SOCS2: variants seen among roughly 807,000 people sequenced by gnomAD.
SOCS2 encodes the protein CIS-2.
Under a neutral mutation model 18.6 loss-of-function variants are expected in SOCS2, and 10 were observed. The ratio of observed to expected loss-of-function variants is 0.54; its 90% confidence interval spans 0.33 to 0.91. The LOEUF (loss-of-function observed/expected upper bound fraction) is 0.91, where lower values mean the gene tolerates loss of function less well. Among genes scored for constraint, SOCS2 ranks in the 40% least tolerant of loss-of-function variants. The probability of loss-of-function intolerance (pLI) is 0.02; values close to 1 mark genes in which losing one functional copy is unlikely to be tolerated. For synonymous variants in SOCS2, 104 were observed against 104.0 expected (o/e 1.00, Z 0.00); for missense variants, 231 against 247.2 (o/e 0.93, Z 0.44).
chr12:93,575,243 A>C lies in SOCS2; in HGVS notation c.*64A>C. On this transcript the variant is annotated 3_prime_UTR_variant, in exon 2 of 2. Transcript: ENST00000551556. Reference sequence around the variant, plus strand: ...CTCCGAATGCAGCTATGTAAAAGAGAACCAAAACTTGAGTGCTCTGGATAA... The same window carrying C: ...CTCCGAATGCAGCTATGTAAAAGAGCACCAAAACTTGAGTGCTCTGGATAA... 1 of 1,204,554 alleles carries C rather than the reference A, an allele frequency of 8.3e-7. No individual in the cohort carries two copies. Among genetic ancestry groups the C allele is most frequent in the Non-Finnish European group, 1.1e-6 (1 of 877,404 alleles). The allele number at this position is 1,204,554 out of a possible 1,614,324, so 74.6% of individuals were successfully genotyped here.
chr12:93,618,441 C>T, the SOCS2 span, among the ~76,000 whole-genome samples: 1 of 152,114 alleles, frequency 6.6e-6, no homozygotes, highest in Non-Finnish European at 1.5e-5. Flanking sequence ...TCTTAAAGTC[C>T]AAATCCTTCT....
At chr12:93,625,745 C>CAAA in the SOCS2 span, among the ~76,000 whole-genome samples, 4 of 62,424 alleles carry the variant, frequency 6.4e-5, no homozygotes, top group Non-Finnish European at 4.1e-5. Flanking sequence ...GAGACCATCT[C>CAAA]AAAAAAAAAA....
chr12:93,577,411 A>G (rs1954481412), downstream of SOCS2, among the ~76,000 whole-genome samples: 1 of 152,122 alleles, frequency 6.6e-6, no homozygotes, highest in Non-Finnish European at 1.5e-5. Flanking sequence ...CAGCACTTGT[A>G]TTATCTCATT....
At chr12:93,618,831 C>G in the SOCS2 span, among the ~76,000 whole-genome samples, 3,401 of 152,282 alleles carry the variant, frequency 0.022, 68 homozygotes, top group Non-Finnish European at 0.029. Context: ...ATGTTGTCTA[C>G]CTTGTTTATG....
downstream of SOCS2, among the ~76,000 whole-genome samples, chr12:93,577,096 G>A (rs1427431827): frequency 6.6e-6 from 1 of 152,148 alleles, no homozygotes. Context: ...CCTTTCTATT[G>A]TCACTGTTTT....
At chr12:93,618,742 A>G in the SOCS2 span, among the ~76,000 whole-genome samples, 2 of 152,104 alleles carry the variant, frequency 1.3e-5, no homozygotes, top group Admixed American at 1.3e-4. Flanking sequence ...TCACTACTTT[A>G]CTTTATTTTC....
chr12:93,570,590 A>C (rs1233399575), upstream of SOCS2: 1 of 152,422 alleles, frequency 6.6e-6, no homozygotes, highest in Non-Finnish European at 1.5e-5. Context: ...GGATGTTTAG[A>C]GGAACCCACC....
chr12:93,614,635 T>TTTCTTGTTTCTTTC, the SOCS2 span, among the ~76,000 whole-genome samples: 1 of 111,590 alleles, frequency 9.0e-6, no homozygotes, highest in African/African-American at 4.1e-5. Context: ...TTCTTTCTTT[T>TTTCTTGTTTCTTTC]GATGGAGTCT....
chr12:93,592,349 A>G, the SOCS2 span, among the ~76,000 whole-genome samples: 1 of 152,200 alleles, frequency 6.6e-6, no homozygotes, highest in Non-Finnish European at 1.5e-5. Flanking sequence ...ACAATATTCC[A>G]TGATATGAAT....
chr12:93,575,018 G>C lies in SOCS2; in HGVS notation c.436G>C (p.Gly146Arg). The C allele has an allele frequency of 6.2e-7, 1 of 1,614,088 alleles. No individual in the cohort carries two copies. The highest frequency in any genetic ancestry group is 8.5e-7 in the Non-Finnish European group (1 of 1,180,004). Residue 146 changes from glycine to arginine, a missense_variant, in exon 2 of 2, where the codon GGC (glycine) becomes CGC (arginine). Gly to Arg is a moderately radical substitution (Grantham distance 125). Coordinates refer to ENST00000551556, the MANE Select transcript of SOCS2 (RefSeq NM_001270471.2). ...GACAGGTCCAGAAGCCCCCCGGAAC[G>C]GCACTGTTCACCTTTATCTGACCAA... ...KRTGPEAPRNGTVHLYLTKPL... is the reference protein window; with the variant it reads ...KRTGPEAPRNRTVHLYLTKPL...
At chr12:93,571,630 AG>A (rs1476561964), upstream of SOCS2, 5 of 222,170 alleles carry the variant, frequency 2.3e-5, no homozygotes, top group Non-Finnish European at 4.7e-5. Flanking sequence ...CCCAGCCCGT[AG>A]GGGGCGTCGC....
At chr12:93,614,401 CTTTCTTTCTTTCTTTCTT>C in the SOCS2 span, among the ~76,000 whole-genome samples, 3 of 141,592 alleles carry the variant, frequency 2.1e-5, no homozygotes, top group Admixed American at 7.0e-5. Flanking sequence ...TTCTTTCTTT[CTTTCTTTCTTTCTTTCTT>C]CCTTTCTTTC....
chr12:93,575,028 A>G lies in SOCS2; in HGVS notation c.446A>G (p.His149Arg), dbSNP rs1362267198. The G allele has an allele frequency of 2.5e-6, 4 of 1,614,012 alleles. No homozygotes were observed. The highest frequency in any genetic ancestry group is 1.3e-5 in the African/African-American group (1 of 74,908). ...GPEAPRNGTV[H>R]LYLTKPLYTS... is the part of the protein sequence containing the mutation. ...GAAGCCCCCCGGAACGGCACTGTTC[A>G]CCTTTATCTGACCAAACCGCTCTAC... Residue 149 changes from histidine (H) to arginine (R), a missense_variant, in exon 2 of 2, where the codon CAC becomes CGC. By Grantham distance (29) the His-to-Arg change is conservative (BLOSUM62 0). Transcript: ENST00000551556.
At chr12:93,591,646 C>G in the SOCS2 span, among the ~76,000 whole-genome samples, 1 of 152,202 alleles carries the variant, frequency 6.6e-6, no homozygotes, top group Admixed American at 6.5e-5. Context: ...CCCCACGGAG[C>G]TGTGGCGTGG....
At chr12:93,571,303 G>A (rs1305602785), upstream of SOCS2, 1 of 152,308 alleles carries the variant, frequency 6.6e-6, no homozygotes, top group Non-Finnish European at 1.5e-5. Context: ...GCGCCGGGGA[G>A]CGGCGGACGG....
chr12:93,621,068 A>G, the SOCS2 span, among the ~76,000 whole-genome samples: 1 of 152,176 alleles, frequency 6.6e-6, no homozygotes, highest in South Asian at 2.1e-4. Context: ...CTTCAGTGCA[A>G]CTCTTGTCCT....
downstream of SOCS2, among the ~76,000 whole-genome samples, chr12:93,587,192 A>G (rs1383235447): frequency 6.6e-6 from 1 of 151,992 alleles, no homozygotes; most frequent in African/African-American, 2.4e-5. Flanking sequence ...CAAAAAACAT[A>G]GTCCCCGACC....
chr12:93,595,224 C>G, the SOCS2 span, among the ~76,000 whole-genome samples: 25 of 152,114 alleles, frequency 1.6e-4, no homozygotes, highest in East Asian at 4.6e-3. Flanking sequence ...TTACTGAGTT[C>G]CACACTGATA....
chr12:93,609,511 T>G, the SOCS2 span, among the ~76,000 whole-genome samples: 2 of 151,698 alleles, frequency 1.3e-5, no homozygotes, highest in Non-Finnish European at 2.9e-5. Flanking sequence ...TTGATTTACT[T>G]AAATATTACC....
Sources: gnomAD v4.1 joint callset for allele counts (sites outside exome capture counted in the v4.1 genomes callset) on GRCh38, gnomAD v4.1.1 for gene constraint, MANE v1.5 for transcripts, NCBI Gene and HGNC (gene_info 2026-07-23, HGNC 2026-07-21) for gene names.